The following ARHGAP19 variants were observed in gnomAD, a reference collection of about 807,000 sequenced individuals.
ARHGAP19 encodes rho GTPase-activating protein 19.
ARHGAP19 carries 48 observed loss-of-function variants against 60.9 expected under a neutral mutation model. The observed-to-expected ratio is 0.79, with a 90% CI of 0.62 to 1.00. The LOEUF is 1.00. Among genes scored for constraint, ARHGAP19 ranks in the 50% least tolerant of loss-of-function variants. The pLI is 0.00. For missense variants in ARHGAP19, 562 were observed against 597.2 expected (o/e 0.94, Z 0.61); for synonymous variants, 209 against 215.5 (o/e 0.97, Z 0.27).
intron 9 of ARHGAP19, among the ~76,000 whole-genome samples, chr10:97,233,948 T>G (rs1414041811): frequency 2.0e-3 from 167 of 84,228 alleles, no homozygotes; most frequent in Non-Finnish European, 2.2e-3. Flanking sequence ...TGTTGGGGGG[T>G]GGAGTGGGGG....
chr10:97,261,868 A>G (rs564764002), intron 4 of ARHGAP19, among the ~76,000 whole-genome samples: 398 of 152,334 alleles, frequency 2.6e-3, no homozygotes, highest in Non-Finnish European at 4.6e-3. Context: ...TGAATTCCCT[A>G]CCACATGGGT....
intron 11 of ARHGAP19, among the ~76,000 whole-genome samples, chr10:97,227,313 T>G (rs1234744775): frequency 6.6e-6 from 1 of 152,222 alleles, no homozygotes; most frequent in East Asian, 1.9e-4. Flanking sequence ...GCTTGGAGAC[T>G]GCCAATGTCT....
chr10:97,263,512 T>G lies in ARHGAP19; in HGVS notation c.521A>C (p.Asn174Thr). The change falls in exon 4 of 12, where the codon AAT becomes ACT. Residue 174 changes from asparagine to threonine, a missense_variant. Transcript: ENST00000358531. ...IDLESGEFHS[N>T]DVATLLKMFL... is the part of the protein sequence containing the mutation. ...CATCTTCAGCAAAGTGGCAACATCATTTGAGTGAAATTCCCCTGATTCCAA... is the reference window on the plus strand; with the variant it reads ...CATCTTCAGCAAAGTGGCAACATCAGTTGAGTGAAATTCCCCTGATTCCAA... The G allele has an allele frequency of 6.2e-7, 1 of 1,614,144 alleles. No homozygotes were observed. Among genetic ancestry groups the G allele is most frequent in the Non-Finnish European group, 8.5e-7 (1 of 1,180,022 alleles).
At chr10:97,233,876 A>T (rs77918067) in intron 9 of ARHGAP19, among the ~76,000 whole-genome samples, 18 of 151,292 alleles carry the variant, frequency 1.2e-4, no homozygotes. Context: ...TAAAAAAAAA[A>T]AGTGGGAGCT....
chr10:97,227,437 A>G (rs1259450148), intron 11 of ARHGAP19, among the ~76,000 whole-genome samples: 1 of 152,206 alleles, frequency 6.6e-6, no homozygotes, highest in Non-Finnish European at 1.5e-5. Flanking sequence ...AGGTGCAGAA[A>G]CGAACAGAAC....
intron 6 of ARHGAP19, among the ~76,000 whole-genome samples, chr10:97,251,305 G>T (rs1402988470): frequency 1.8e-5 from 1 of 56,840 alleles, no homozygotes; most frequent in Non-Finnish European, 3.6e-5. Flanking sequence ...AAGGGGAAAA[G>T]GAAGGGAAGG....
At chr10:97,255,411 C>CA (rs796591820) in intron 6 of ARHGAP19, among the ~76,000 whole-genome samples, 2 of 151,876 alleles carry the variant, frequency 1.3e-5, no homozygotes, top group Non-Finnish European at 2.9e-5. Context: ...CCTGTCTCTA[C>CA]AAAAAAATAC....
rs565936402 is a variant in ARHGAP19 at position 97,283,306 on chromosome 10, G to A, written c.56+9266C>T. Among the ~76,000 whole-genome samples, 147 of 151,946 alleles carry A rather than the reference G, an allele frequency of 9.7e-4. 1 individual carries two copies. Among genetic ancestry groups the A allele is most frequent in the African/African-American group, 3.4e-3 (141 of 41,478 alleles). ...GAGTGTTCACTGAAGGTGACCAGAG[G>A]GCATCTTCAGGAGGCTGAGGTGGGT... On this transcript the variant is annotated intron_variant, in intron 1 of 11. Transcript: ENST00000358531.
chr10:97,234,628 T>A (rs1387630093), intron 9 of ARHGAP19, among the ~76,000 whole-genome samples: 1 of 152,220 alleles, frequency 6.6e-6, no homozygotes, highest in Non-Finnish European at 1.5e-5. Context: ...CATGTTCCGA[T>A]AGTTTGAAGA....
At chr10:97,275,977 T>G (rs1589378574) in intron 1 of ARHGAP19, among the ~76,000 whole-genome samples, 2 of 3,984 alleles carry the variant, frequency 5.0e-4, no homozygotes. Context: ...GGGAGGGAGG[T>G]GGGGGGGTCA....
chr10:97,239,457 C>T (rs2079839667), intron 8 of ARHGAP19, among the ~76,000 whole-genome samples: 1 of 150,662 alleles, frequency 6.6e-6, no homozygotes, highest in African/African-American at 2.4e-5. Context: ...GATCGGAGAT[C>T]GTGCCACTGC....
chr10:97,249,644 T>A (rs1564717153), intron 6 of ARHGAP19, among the ~76,000 whole-genome samples: 1 of 152,100 alleles, frequency 6.6e-6, no homozygotes, highest in Non-Finnish European at 1.5e-5. Context: ...AGTGTCATAA[T>A]AATTAAAACC....
chr10:97,241,041 C>T (rs1045368731), intron 8 of ARHGAP19, among the ~76,000 whole-genome samples: 1 of 152,170 alleles, frequency 6.6e-6, no homozygotes, highest in African/African-American at 2.4e-5. Flanking sequence ...ATACAGCAGG[C>T]TGGGTGCGGT....
chr10:97,233,947 G>A, intron 9 of ARHGAP19, among the ~76,000 whole-genome samples: 1 of 150,454 alleles, frequency 6.6e-6, no homozygotes, highest in Non-Finnish European at 1.5e-5. Context: ...CTGTTGGGGG[G>A]TGGAGTGGGG....
chr10:97,228,498 T>C (rs1304651598), intron 11 of ARHGAP19, among the ~76,000 whole-genome samples: 1 of 152,232 alleles, frequency 6.6e-6, no homozygotes, highest in African/African-American at 2.4e-5. Flanking sequence ...CTTGAATTCA[T>C]AGAGAATGGG....
At chr10:97,289,236 TC>T (rs1277180264) in intron 1 of ARHGAP19, among the ~76,000 whole-genome samples, 1 of 151,220 alleles carries the variant, frequency 6.6e-6, no homozygotes, top group Non-Finnish European at 1.5e-5. Flanking sequence ...TGTCTCAGCC[TC>T]CCAAGTAGGT....
chr10:97,284,119 G>T (rs1449996008), intron 1 of ARHGAP19, among the ~76,000 whole-genome samples: 1 of 151,616 alleles, frequency 6.6e-6, no homozygotes, highest in Non-Finnish European at 1.5e-5. Flanking sequence ...ATTTTTATTT[G>T]TATTTTTTGC....
chr10:97,273,978 CAA>C (rs398014544), intron 1 of ARHGAP19, among the ~76,000 whole-genome samples: 18 of 151,626 alleles, frequency 1.2e-4, no homozygotes, highest in African/African-American at 4.4e-4. Flanking sequence ...CACACACACA[CAA>C]ACACACACAC....
chr10:97,281,593 T>C (rs1216270495), intron 1 of ARHGAP19, among the ~76,000 whole-genome samples: 1 of 152,192 alleles, frequency 6.6e-6, no homozygotes, highest in Non-Finnish European at 1.5e-5. Flanking sequence ...ACTAATTGCT[T>C]TGTAACTTTA....
Sources: allele counts gnomAD v4.1 joint callset (sites outside exome capture counted in the v4.1 genomes callset), GRCh38; gene constraint gnomAD v4.1.1; transcripts MANE v1.5; gene names NCBI Gene and HGNC (gene_info 2026-07-23, HGNC 2026-07-21).